RORB: variants seen among roughly 807,000 people sequenced by gnomAD.
RORB encodes nuclear receptor ROR-beta.
RORB carries 6 observed loss-of-function variants against 59.1 expected under a neutral mutation model. That is an observed-to-expected ratio of 0.10 (90% CI 0.06 to 0.20). RORB has a LOEUF of 0.20. RORB is among the 10% of genes least tolerant of loss of function. RORB has a pLI of 1.00. For synonymous variants in RORB, 215 were observed against 204.5 expected (o/e 1.05, Z -0.44); for missense variants, 320 against 560.5 (o/e 0.57, Z 4.33).
intron 1 of RORB, chr9:74,498,850 GCGA>G: frequency 1.2e-5 from 2 of 162,266 alleles, no homozygotes; most frequent in South Asian, 3.3e-4. Flanking sequence ...GGACCCCGGG[GCGA>G]GCTGGGGTCT....
chr9:74,654,255 T>G (rs1824042042), intron 4 of RORB, among the ~76,000 whole-genome samples: 1 of 152,122 alleles, frequency 6.6e-6, no homozygotes, highest in Non-Finnish European at 1.5e-5. Context: ...CTTTCTTACT[T>G]CTTTGATTTA....
At position 74,618,474 on chromosome 9, in the gene RORB, A is replaced by T. The variant is rs77595715; in HGVS notation, c.8-11808A>T. On this transcript the variant is annotated intron_variant, in intron 1 of 9. Coordinates refer to ENST00000376896, the MANE Select transcript of RORB (RefSeq NM_006914.4). Reference sequence around the variant, plus strand: ...CAGGTTTCTTTTTTCTAAAACAAAGACATTGAAATTGGTTCTGATCACTAT... The same window carrying T: ...CAGGTTTCTTTTTTCTAAAACAAAGTCATTGAAATTGGTTCTGATCACTAT... 1.1e-4 allele frequency among the ~76,000 whole-genome samples: 16 copies of T among 152,292 alleles called. 1 individual carries two copies. Among genetic ancestry groups the T allele is most frequent in the Admixed American group, 2.0e-4 (3 of 15,302 alleles).
At chr9:74,668,042 G>A (rs1824294824) in intron 8 of RORB, 141 bp downstream of exon 8, 1 of 608,112 alleles carries the variant, frequency 1.6e-6, no homozygotes, top group Non-Finnish European at 2.9e-6. Flanking sequence ...GATATTTTTG[G>A]ACAGTGAAAA....
intron 6 of RORB, among the ~76,000 whole-genome samples, chr9:74,663,350 T>A (rs1449983197): frequency 6.6e-6 from 1 of 152,140 alleles, no homozygotes; most frequent in Non-Finnish European, 1.5e-5. Context: ...TCTTGTGAGA[T>A]CCATATTATT....
At chr9:74,501,018 GGTGAGAAAGAA>G (rs1355512769) in intron 1 of RORB, among the ~76,000 whole-genome samples, 1 of 152,160 alleles carries the variant, frequency 6.6e-6, no homozygotes, top group African/African-American at 2.4e-5. Flanking sequence ...CCCATCACTA[GGTGAGAAAGAA>G]GTGAGCCGAG....
Position 74,671,917 on chromosome 9 carries a change from A to C in RORB, c.1224+16A>C. On this transcript the variant is annotated intron_variant, in intron 9 of 9. Transcript: ENST00000376896. ...CTTGGCAAAGGTAGGTCCACAGATC[A>C]CAGAGCCACCACCACCAAAAGAGAG... The C allele has an allele frequency of 6.9e-7, 1 of 1,439,020 alleles. No individual in the cohort carries two copies. The highest frequency in any genetic ancestry group is 9.7e-7 in the Non-Finnish European group (1 of 1,027,502). 89.1% of individuals were successfully genotyped at this position (1,439,020 alleles called of 1,614,324 possible). A position where few individuals can be genotyped will look rare whatever the true frequency, so the allele number is the denominator to read the frequency against.
At chr9:74,553,739 C>A (rs934257113) in intron 1 of RORB, among the ~76,000 whole-genome samples, 1 of 152,118 alleles carries the variant, frequency 6.6e-6, no homozygotes, top group Non-Finnish European at 1.5e-5. Context: ...TTATTTTACA[C>A]CCTCTGTTTT....
intron 3 of RORB, among the ~76,000 whole-genome samples, chr9:74,636,095 C>G (rs1823697993): frequency 6.6e-6 from 1 of 151,828 alleles, no homozygotes; most frequent in Admixed American, 6.6e-5. Context: ...GCTCACTAAC[C>G]AGATATATTT....
In RORB at chr9:74,662,170, A is replaced by G. The variant is rs368615069; in HGVS notation, c.760-304A>G. Among the ~76,000 whole-genome samples the G allele has an allele frequency of 5.2e-4, 79 of 152,280 alleles. 1 individual carries two copies. The highest frequency in any genetic ancestry group is 1.9e-3 in the African/African-American group (77 of 41,554). The stretch of plus-strand genomic sequence containing the variant: ...CAAACTCAGATTTCGTTTAGGTGAG[A>G]AGGAGGAAAAGGAGGAAAAAGAGTA... On this transcript the variant is annotated intron_variant, in intron 5 of 9. Coordinates refer to ENST00000376896, the MANE Select transcript of RORB (RefSeq NM_006914.4).
intron 1 of RORB, among the ~76,000 whole-genome samples, chr9:74,564,117 A>G (rs1822438104): frequency 6.6e-6 from 1 of 152,174 alleles, no homozygotes; most frequent in South Asian, 2.1e-4. Flanking sequence ...ATTCTAATCT[A>G]TGAATTAGAA....
intron 4 of RORB, among the ~76,000 whole-genome samples, chr9:74,649,569 C>T (rs1823958802): frequency 6.6e-6 from 1 of 152,156 alleles, no homozygotes; most frequent in African/African-American, 2.4e-5. Flanking sequence ...TATTTGAATC[C>T]ATATCTTTCT....
chr9:74,606,909 G>C (rs1222535019), intron 1 of RORB, among the ~76,000 whole-genome samples: 1 of 152,180 alleles, frequency 6.6e-6, no homozygotes, highest in East Asian at 1.9e-4. Context: ...TTATAAAGAA[G>C]CAGGTATTCT....
intron 1 of RORB, among the ~76,000 whole-genome samples, chr9:74,511,214 C>G (rs1024280834): frequency 6.6e-6 from 1 of 152,022 alleles, no homozygotes; most frequent in African/African-American, 2.4e-5. Context: ...TCTACATGTA[C>G]TTAATCATTT....
chr9:74,672,191 G>A (rs1472508773), intron 9 of RORB, among the ~76,000 whole-genome samples: 1 of 152,154 alleles, frequency 6.6e-6, no homozygotes, highest in East Asian at 1.9e-4. Flanking sequence ...TCAAAGCAAG[G>A]AAACAGGTCT....
At chr9:74,611,203 C>G (rs554925725) in intron 1 of RORB, among the ~76,000 whole-genome samples, 4 of 152,188 alleles carry the variant, frequency 2.6e-5, no homozygotes, top group African/African-American at 9.6e-5. Context: ...ATCAACTCCC[C>G]CTTGCCTCTA....
At chr9:74,625,887 A>G (rs904234486) in intron 1 of RORB, among the ~76,000 whole-genome samples, 1 of 152,244 alleles carries the variant, frequency 6.6e-6, no homozygotes, top group African/African-American at 2.4e-5. Context: ...ACCTCCAACC[A>G]GAACGTACGT....
At chr9:74,588,120 A>G (rs1047553741) in intron 1 of RORB, among the ~76,000 whole-genome samples, 1 of 152,146 alleles carries the variant, frequency 6.6e-6, no homozygotes, top group Non-Finnish European at 1.5e-5. Context: ...AAAATATTTA[A>G]TAAGGCAGGG....
At chr9:74,598,071 A>C (rs1822998682) in intron 1 of RORB, among the ~76,000 whole-genome samples, 1 of 152,196 alleles carries the variant, frequency 6.6e-6, no homozygotes, top group Non-Finnish European at 1.5e-5. Flanking sequence ...TACATTTTTA[A>C]TGTGGCTACT....
intron 1 of RORB, among the ~76,000 whole-genome samples, chr9:74,622,913 A>G (rs749331784): frequency 6.6e-6 from 1 of 152,064 alleles, no homozygotes; most frequent in Non-Finnish European, 1.5e-5. Flanking sequence ...CTGGTCAGGG[A>G]CCACACTTTG....
Sources: allele counts gnomAD v4.1 joint callset (sites outside exome capture counted in the v4.1 genomes callset), GRCh38; gene constraint gnomAD v4.1.1; transcripts MANE v1.5; gene names NCBI Gene and HGNC (gene_info 2026-07-23, HGNC 2026-07-21).